Variants in TMC5 observed in about 807,000 individuals in gnomAD.
The protein encoded by TMC5 is transmembrane channel like 5.
In TMC5, 86 loss-of-function variants were observed where a neutral mutation model predicts 110.5. The observed-to-expected ratio is 0.78, with a 90% CI of 0.65 to 0.93. The LOEUF is 0.93. Among genes scored for constraint, TMC5 ranks in the 40% least tolerant of loss-of-function variants. The probability of loss-of-function intolerance (pLI) is 0.00; values close to 1 mark genes in which losing one functional copy is unlikely to be tolerated. For missense variants in TMC5, 1,144 were observed against 1,222.8 expected, an observed-to-expected ratio of 0.94 and a Z score of 0.96; for synonymous variants, 455 against 439.5, an observed-to-expected ratio of 1.04 and a Z score of -0.44.
At chr16:19,496,214 G>A (rs1026604961) in intron 20 of TMC5, among the ~76,000 whole-genome samples, 2 of 151,232 alleles carry the variant, frequency 1.3e-5, no homozygotes, top group Admixed American at 6.6e-5. Flanking sequence ...CACAAAGCAC[G>A]TACATGACAA....
At position 19,440,249 on chromosome 16, in the gene TMC5, G is replaced by A. The variant is rs1217466388; in HGVS notation, c.211G>A (p.Glu71Lys). ...TRPDYPGSLA[E>K]PNYPRSLSNP... Reference sequence around the variant, plus strand: ...TCCAGACTATCCTGGGTCTCTGGCAGAACCAAATTATCCTAGATCTCTGAG... The same window carrying A: ...TCCAGACTATCCTGGGTCTCTGGCAAAACCAAATTATCCTAGATCTCTGAG... The change falls in exon 3 of 22, where the codon GAA becomes AAA. Residue 71 changes from glutamate (E) to lysine (K), a missense_variant. Physicochemically the swap from Glu to Lys is moderately conservative, Grantham distance 56. Transcript: ENST00000542583. 1 of 1,614,136 alleles carries A rather than the reference G, an allele frequency of 6.2e-7. No homozygotes were observed. The highest frequency in any genetic ancestry group is 8.5e-7 in the Non-Finnish European group (1 of 1,180,022).
At chr16:19,448,304 G>GCGCACA (rs1194824108) in intron 4 of TMC5, among the ~76,000 whole-genome samples, 6 of 142,188 alleles carry the variant, frequency 4.2e-5, no homozygotes, top group Non-Finnish European at 7.5e-5. Context: ...ACACACACAC[G>GCGCACA]CACACACACA....
chr16:19,462,578 G>A, intron 6 of TMC5: 2 of 700,504 alleles, frequency 2.9e-6, no homozygotes, highest in Non-Finnish European at 5.2e-6. Flanking sequence ...AGGCAAGACG[G>A]CATGTGCAGG....
intron 15 of TMC5, among the ~76,000 whole-genome samples, chr16:19,486,386 T>G (rs373887759): frequency 6.6e-6 from 1 of 152,102 alleles, no homozygotes; most frequent in African/African-American, 2.4e-5. Flanking sequence ...CTCTTCTTTT[T>G]TTGTTGTTGA....
intron 2 of TMC5, among the ~76,000 whole-genome samples, chr16:19,438,416 GA>G (rs1250258001): frequency 1.7e-4 from 5 of 28,906 alleles, no homozygotes; most frequent in East Asian, 3.4e-3. Context: ...AAAGAAGAAA[GA>G]AAAGAAAAAG....
intron 5 of TMC5, among the ~76,000 whole-genome samples, chr16:19,453,814 T>C (rs1178671558): frequency 6.6e-6 from 1 of 151,990 alleles, no homozygotes; most frequent in African/African-American, 2.4e-5. Flanking sequence ...AAAGTATAGC[T>C]TTGATGAATT....
Position 19,442,691 on chromosome 16 carries a change from T to C in TMC5, c.789-1390T>C, listed in dbSNP as rs564618645. Among the ~76,000 whole-genome samples the C allele has an allele frequency of 3.3e-5, 5 of 152,332 alleles. No homozygotes were observed. In the South Asian group the frequency reaches 1.0e-3, roughly 32 times the overall value. On this transcript the variant is annotated intron_variant, in intron 3 of 21. Transcript: ENST00000542583. ...CAGTAACAATGTTTGTCATGTGAAGTTGTAACCAATATGAGTTTGATTTTG... is the reference window on the plus strand; with the variant it reads ...CAGTAACAATGTTTGTCATGTGAAGCTGTAACCAATATGAGTTTGATTTTG...
Position 19,474,227 on chromosome 16 carries a change from G to T in TMC5, c.2041G>T (p.Val681Leu). The T allele has an allele frequency of 6.2e-7, 1 of 1,614,152 alleles. No homozygotes were observed. The highest frequency in any genetic ancestry group is 1.1e-5 in the South Asian group (1 of 91,082). The part of the protein sequence containing the change: ...VPCIYSMFRL[V>L]ERYEMPRHEV... Reference sequence around the variant, plus strand: ...ATGCATCTACTCCATGTTCAGGCTTGTGGAGAGGTACGAGATGCCACGGCA... The same window carrying T: ...ATGCATCTACTCCATGTTCAGGCTTTTGGAGAGGTACGAGATGCCACGGCA... Residue 681 changes from valine (V) to leucine (L), a missense_variant, in exon 12 of 22, where the codon GTG becomes TTG. Val to Leu is a conservative substitution (Grantham distance 32, BLOSUM62 1). Coordinates refer to ENST00000542583, the MANE Select transcript of TMC5 (RefSeq NM_001261841.2).
chr16:19,450,854 T>C (rs1476930402), intron 5 of TMC5, among the ~76,000 whole-genome samples: 2 of 152,164 alleles, frequency 1.3e-5, no homozygotes, highest in Non-Finnish European at 2.9e-5. Context: ...ATTATGATAA[T>C]GGAGTGTGGA....
intron 1 of TMC5, among the ~76,000 whole-genome samples, chr16:19,427,466 T>C (rs1967108334): frequency 6.6e-6 from 1 of 152,024 alleles, no homozygotes; most frequent in Admixed American, 6.6e-5. Context: ...AGAAGAAAAA[T>C]AAATAAACAA....
At chr16:19,413,651 T>C (rs1178643514), upstream of TMC5, among the ~76,000 whole-genome samples, 1 of 151,072 alleles carries the variant, frequency 6.6e-6, no homozygotes, top group Non-Finnish European at 1.5e-5. Flanking sequence ...TCCTTTAATA[T>C]GGTACTTGGT....
chr16:19,452,483 G>A lies in TMC5; in HGVS notation c.1048+2852G>A, dbSNP rs193156642. On this transcript the variant is annotated intron_variant, in intron 5 of 21. Coordinates refer to ENST00000542583, the MANE Select transcript of TMC5 (RefSeq NM_001261841.2). Reference sequence around the variant, plus strand: ...TGCAATCCCAGCACTTTGGGAGGCCGAGGCAGGTGGATCACCTAAGGTCAG... The same window carrying A: ...TGCAATCCCAGCACTTTGGGAGGCCAAGGCAGGTGGATCACCTAAGGTCAG... Among the ~76,000 whole-genome samples, 12 of 152,170 alleles carry A rather than the reference G, an allele frequency of 7.9e-5. No homozygotes were observed. In the East Asian group the frequency reaches 1.2e-3, roughly 15 times the overall value.
At position 19,477,531 on chromosome 16, in the gene TMC5, G is replaced by A. The variant is rs759529434; in HGVS notation, c.2169+13G>A. 1.3e-6 allele frequency: 2 copies of A among 1,582,726 alleles called. No homozygotes were observed. Among genetic ancestry groups the A allele is most frequent in the East Asian group, 4.5e-5 (2 of 44,256 alleles). Reference sequence around the variant, plus strand: ...GTCTGGTGAAGAGGTGAGATTCTATGCTTCTCTGCCTTAAGTTTGGTTTCT... The same window carrying A: ...GTCTGGTGAAGAGGTGAGATTCTATACTTCTCTGCCTTAAGTTTGGTTTCT... On this transcript the variant is annotated intron_variant, in intron 13 of 21. Transcript: ENST00000542583.
chr16:19,418,928 T>C (rs1336742829), intron 1 of TMC5, among the ~76,000 whole-genome samples: 1 of 152,094 alleles, frequency 6.6e-6, no homozygotes, highest in East Asian at 1.9e-4. Flanking sequence ...AAGGTCTGAC[T>C]ATATTGCCTA....
intron 2 of TMC5, among the ~76,000 whole-genome samples, chr16:19,434,769 C>A (rs1050108789): frequency 6.6e-6 from 1 of 152,130 alleles, no homozygotes; most frequent in Non-Finnish European, 1.5e-5. Flanking sequence ...GTGACTGCTT[C>A]CTTGATGTTG....
At chr16:19,479,932 C>T in intron 14 of TMC5, among the ~76,000 whole-genome samples, 1 of 95,760 alleles carries the variant, frequency 1.0e-5, no homozygotes, top group African/African-American at 3.4e-5. Context: ...TGTCTCTATC[C>T]AAAAAAAAAA....
chr16:19,422,589 C>T lies in TMC5; in HGVS notation c.-308+4497C>T, dbSNP rs115983560. On this transcript the variant is annotated intron_variant, in intron 1 of 21. Coordinates refer to ENST00000542583, the MANE Select transcript of TMC5 (RefSeq NM_001261841.2). Reference sequence around the variant, plus strand: ...CACGTCTGTTGTAGCCCAAGCACTTCGGGAGGCCAAGGTGGGAGGATCTCT... The same window carrying T: ...CACGTCTGTTGTAGCCCAAGCACTTTGGGAGGCCAAGGTGGGAGGATCTCT... Among the ~76,000 whole-genome samples the T allele has an allele frequency of 6.0e-3, 910 of 152,128 alleles. 13 individuals carry two copies. The highest frequency in any genetic ancestry group is 0.021 in the African/African-American group (865 of 41,496).
At chr16:19,427,946 A>T (rs146437688) in intron 1 of TMC5, among the ~76,000 whole-genome samples, 2 of 152,230 alleles carry the variant, frequency 1.3e-5, no homozygotes, top group Non-Finnish European at 2.9e-5. Context: ...CTGCGATTCA[A>T]TTGCATCGAC....
chr16:19,435,021 C>T (rs1326278384), intron 2 of TMC5, among the ~76,000 whole-genome samples: 1 of 152,104 alleles, frequency 6.6e-6, no homozygotes, highest in East Asian at 1.9e-4. Flanking sequence ...ACCTAGAAGA[C>T]CTGTCTTCAC....
Sources: gnomAD v4.1 joint callset for allele counts (sites outside exome capture counted in the v4.1 genomes callset) on GRCh38, gnomAD v4.1.1 for gene constraint, MANE v1.5 for transcripts, NCBI Gene and HGNC (gene_info 2026-07-23, HGNC 2026-07-21) for gene names.